Variants in UNC13B observed in about 807,000 individuals in gnomAD.
UNC13B encodes the protein protein unc-13 homolog B.
Under a neutral mutation model 211.0 loss-of-function variants are expected in UNC13B, and 144 were observed. The observed-to-expected ratio is 0.68, with a 90% CI of 0.60 to 0.78. The LOEUF (loss-of-function observed/expected upper bound fraction) is 0.78. Ranked by LOEUF, UNC13B falls within the 30% of genes least tolerant of loss-of-function variation. The pLI is 0.00. For missense variants in UNC13B, 1,777 were observed against 2,002.0 expected (o/e 0.89, Z 2.14); for synonymous variants, 709 against 725.8 (o/e 0.98, Z 0.37).
intron 12 of UNC13B, among the ~76,000 whole-genome samples, chr9:35,369,642 C>CAGT (rs1833991812): frequency 1.3e-5 from 2 of 152,352 alleles, no homozygotes; most frequent in East Asian, 3.9e-4. Context: ...CACACTCATA[C>CAGT]AGTCCCTTTG....
chr9:35,233,845 A>G (rs989912759), intron 3 of UNC13B, among the ~76,000 whole-genome samples: 6 of 152,162 alleles, frequency 3.9e-5, no homozygotes, highest in Non-Finnish European at 8.8e-5. Context: ...AAACTTCCCT[A>G]GGGTCCTGGG....
At chr9:35,232,011 G>A (rs898886370) in intron 3 of UNC13B, among the ~76,000 whole-genome samples, 1 of 151,314 alleles carries the variant, frequency 6.6e-6, no homozygotes, top group Non-Finnish European at 1.5e-5. Context: ...GTTGGAGGTG[G>A]GCATGAAGGG....
intron 8 of UNC13B, among the ~76,000 whole-genome samples, chr9:35,296,913 T>C (rs932059157): frequency 1.3e-5 from 2 of 152,174 alleles, no homozygotes; most frequent in Non-Finnish European, 2.9e-5. Context: ...ACCTAATGTT[T>C]AGACCATATT....
intron 20 of UNC13B, 127 bp from the exon 21 acceptor site, chr9:35,382,230 C>G: frequency 7.7e-7 from 1 of 1,305,384 alleles, no homozygotes; most frequent in Non-Finnish European, 1.1e-6. Flanking sequence ...GAAAGTAGCC[C>G]TAGGCAAGAG....
At chr9:35,216,412 G>A (rs1021792686) in intron 1 of UNC13B, among the ~76,000 whole-genome samples, 11 of 152,176 alleles carry the variant, frequency 7.2e-5, no homozygotes, top group African/African-American at 2.4e-4. Flanking sequence ...ATAGCAGTGA[G>A]TTCCCTGGAC....
At chr9:35,316,028 ACT>A (rs1564131495) in intron 11 of UNC13B, among the ~76,000 whole-genome samples, 1 of 152,124 alleles carries the variant, frequency 6.6e-6, no homozygotes, top group Non-Finnish European at 1.5e-5. Context: ...AGGTTTCTCC[ACT>A]GTCAAGGTAC....
intron 7 of UNC13B, among the ~76,000 whole-genome samples, chr9:35,272,340 C>T (rs1477191220): frequency 6.6e-6 from 1 of 150,968 alleles, no homozygotes; most frequent in Non-Finnish European, 1.5e-5. Context: ...TCACTGCAAC[C>T]TTTGCCTCCT....
intron 6 of UNC13B, among the ~76,000 whole-genome samples, chr9:35,256,731 T>C (rs1826901598): frequency 6.6e-6 from 1 of 152,228 alleles, no homozygotes; most frequent in Non-Finnish European, 1.5e-5. Context: ...TGCACACATA[T>C]ACATACATAT....
chr9:35,188,052 A>C (rs998860500), intron 1 of UNC13B, among the ~76,000 whole-genome samples: 1 of 152,248 alleles, frequency 6.6e-6, no homozygotes, highest in African/African-American at 2.4e-5. Flanking sequence ...CTGAAAAACA[A>C]AACAAGGATC....
At chr9:35,398,107 A>G (rs1836009160) in intron 30 of UNC13B, 104 bp from the exon 31 acceptor site, 4 of 981,354 alleles carry the variant, frequency 4.1e-6, no homozygotes, top group Non-Finnish European at 4.5e-6. Context: ...AACCTATGTC[A>G]TATGTGAAGT....
At chr9:35,170,728 T>G (rs1345981219) in intron 1 of UNC13B, among the ~76,000 whole-genome samples, 1 of 152,190 alleles carries the variant, frequency 6.6e-6, no homozygotes, top group African/African-American at 2.4e-5. Context: ...TGCCTCAGCC[T>G]CCTAAAATGC....
chr9:35,219,514 G>C (rs1217561658), intron 1 of UNC13B, among the ~76,000 whole-genome samples: 1 of 151,786 alleles, frequency 6.6e-6, no homozygotes, highest in African/African-American at 2.4e-5. Flanking sequence ...CTACTTGGGA[G>C]GCTAAGGCAG....
intron 6 of UNC13B, among the ~76,000 whole-genome samples, chr9:35,246,704 A>G (rs1564090624): frequency 6.6e-6 from 1 of 151,958 alleles, no homozygotes; most frequent in Non-Finnish European, 1.5e-5. Context: ...TGTTCCATTG[A>G]TCTATATCTC....
chr9:35,239,142 G>A (rs1825675170), intron 5 of UNC13B, among the ~76,000 whole-genome samples: 1 of 151,894 alleles, frequency 6.6e-6, no homozygotes, highest in South Asian at 2.1e-4. Context: ...AGTCTTTTGT[G>A]TTTCCCAATG....
chr9:35,349,031 C>T (rs1259910111), intron 11 of UNC13B, among the ~76,000 whole-genome samples: 6 of 152,032 alleles, frequency 3.9e-5, no homozygotes, highest in Non-Finnish European at 7.4e-5. Flanking sequence ...GATTCTCTTG[C>T]CTCAGCCTCC....
At chr9:35,256,713 C>CAT (rs1564097225) in intron 6 of UNC13B, among the ~76,000 whole-genome samples, 1 of 152,178 alleles carries the variant, frequency 6.6e-6, no homozygotes, top group Non-Finnish European at 1.5e-5. Context: ...TGCTAACACA[C>CAT]ATATGTGTGC....
At chr9:35,208,156 G>A (rs768961891) in intron 1 of UNC13B, among the ~76,000 whole-genome samples, 9 of 152,100 alleles carry the variant, frequency 5.9e-5, no homozygotes, top group Non-Finnish European at 1.0e-4. Context: ...TTTCTGGAAC[G>A]ATACCTCTGC....
intron 8 of UNC13B, among the ~76,000 whole-genome samples, chr9:35,298,971 C>G (rs1475349565): frequency 1.3e-5 from 2 of 152,176 alleles, no homozygotes; most frequent in Non-Finnish European, 2.9e-5. Context: ...TGGCTCATGC[C>G]TGTAATTCCA....
intron 3 of UNC13B, among the ~76,000 whole-genome samples, chr9:35,235,202 G>A (rs183787784): frequency 2.6e-4 from 40 of 151,956 alleles, no homozygotes; most frequent in African/African-American, 9.2e-4. Context: ...ATTTCTTTTC[G>A]AATTTTTTCC....
Sources: allele counts gnomAD v4.1 joint callset (sites outside exome capture counted in the v4.1 genomes callset), GRCh38; gene constraint gnomAD v4.1.1; transcripts MANE v1.5; gene names NCBI Gene and HGNC (gene_info 2026-07-23, HGNC 2026-07-21).